SFSWAP: variants seen among roughly 807,000 people sequenced by gnomAD.
SFSWAP encodes the protein splicing factor, suppressor of white-apricot homolog.
A neutral mutation model predicts 100.7 loss-of-function variants in SFSWAP; 17 were observed. The observed-to-expected ratio is 0.17, with a 90% confidence interval of 0.12 to 0.25. The LOEUF (loss-of-function observed/expected upper bound fraction) is 0.25, where lower values mean the gene tolerates loss of function less well. Among genes scored for constraint, SFSWAP ranks in the 10% least tolerant of loss-of-function variants. The pLI, the probability that SFSWAP is intolerant of heterozygous loss-of-function variation, is 1.00. For missense variants in SFSWAP, 1,005 were observed against 1,262.6 expected, an observed-to-expected ratio of 0.80 and a Z score of 3.09; for synonymous variants, 504 against 510.1, an observed-to-expected ratio of 0.99 and a Z score of 0.16.
chr12:131,785,305 G>C, intron 14 of SFSWAP: 1 of 1,374,978 alleles, frequency 7.3e-7, no homozygotes, highest in Non-Finnish European at 9.9e-7. Context: ...AAACGATTCT[G>C]TCCGTTAAAG....
intron 12 of SFSWAP, among the ~76,000 whole-genome samples, chr12:131,765,369 C>T (rs1209328051): frequency 1.3e-5 from 2 of 152,224 alleles, no homozygotes; most frequent in African/African-American, 4.8e-5. Flanking sequence ...AATTTTCAGG[C>T]CAGGCGCGGT....
At chr12:131,790,828 G>A (rs1013685508) in intron 15 of SFSWAP, among the ~76,000 whole-genome samples, 7 of 152,152 alleles carry the variant, frequency 4.6e-5, no homozygotes, top group Non-Finnish European at 7.3e-5. Context: ...GTTAATTCCA[G>A]GTAGACTTTG....
rs566128024 is a variant in SFSWAP at position 131,753,445 on chromosome 12, G to C, written c.1322+82G>C. On this transcript the variant is annotated intron_variant, in intron 8 of 17. Transcript: ENST00000261674. The stretch of plus-strand genomic sequence containing the variant: ...GGGGCCGTCTGTGTCTCCATGGGGG[G>C]CTTGTAATCTAGATCATATACAGGG... 1.2e-5 allele frequency: 18 copies of C among 1,492,452 alleles called. 1 individual carries two copies. The African/African-American group carries it at 2.0e-4, about 16-fold the overall frequency. 92.5% of individuals were successfully genotyped at this position (1,492,452 alleles called of 1,614,324 possible). A position where few individuals can be genotyped will look rare whatever the true frequency, so the allele number is the denominator to read the frequency against.
intron 13 of SFSWAP, among the ~76,000 whole-genome samples, chr12:131,775,034 G>C (rs1280151244): frequency 1.3e-5 from 2 of 152,206 alleles, no homozygotes; most frequent in East Asian, 3.8e-4. Context: ...CTGTGCCTCA[G>C]ATGGCGTCTC....
At chr12:131,741,774 T>C (rs1454491477) in intron 7 of SFSWAP, among the ~76,000 whole-genome samples, 1 of 152,206 alleles carries the variant, frequency 6.6e-6, no homozygotes, top group Non-Finnish European at 1.5e-5. Flanking sequence ...TTTTTGTGCT[T>C]TGTTGAATTC....
chr12:131,737,521 C>T (rs1189376978), intron 7 of SFSWAP, among the ~76,000 whole-genome samples: 2 of 152,146 alleles, frequency 1.3e-5, no homozygotes, highest in Non-Finnish European at 2.9e-5. Flanking sequence ...ATAATACGTG[C>T]TTTTATCATT....
intron 13 of SFSWAP, among the ~76,000 whole-genome samples, chr12:131,772,676 G>T (rs965001830): frequency 6.6e-5 from 10 of 152,190 alleles, no homozygotes; most frequent in Non-Finnish European, 1.5e-5. Context: ...CTGCCATCTG[G>T]GAGTGGGTGT....
At chr12:131,732,573 G>A (rs950622848) in intron 7 of SFSWAP, among the ~76,000 whole-genome samples, 5 of 152,336 alleles carry the variant, frequency 3.3e-5, no homozygotes, top group South Asian at 2.1e-4. Flanking sequence ...GCAGGTCTGC[G>A]GATTCTGCTG....
At chr12:131,747,790 G>A (rs938571217) in intron 7 of SFSWAP, among the ~76,000 whole-genome samples, 12 of 152,188 alleles carry the variant, frequency 7.9e-5, no homozygotes, top group African/African-American at 1.9e-4. Context: ...GGACACATTC[G>A]GCTTGAAATA....
At chr12:131,788,877 C>T (rs1885068825) in intron 15 of SFSWAP, among the ~76,000 whole-genome samples, 1 of 152,230 alleles carries the variant, frequency 6.6e-6, no homozygotes. Context: ...TGGCTTAGTG[C>T]ACATAATTCA....
intron 7 of SFSWAP, among the ~76,000 whole-genome samples, chr12:131,746,001 G>A (rs1002109599): frequency 1.3e-5 from 2 of 152,150 alleles, no homozygotes; most frequent in Admixed American, 6.5e-5. Context: ...AAATTAAATG[G>A]AAATAAACAA....
At chr12:131,788,320 A>G (rs1318920644) in intron 15 of SFSWAP, among the ~76,000 whole-genome samples, 2 of 152,226 alleles carry the variant, frequency 1.3e-5, no homozygotes, top group African/African-American at 4.8e-5. Context: ...GGTTAGACTC[A>G]GTGCAGTGCT....
At chr12:131,748,950 A>G (rs1251651561) in intron 7 of SFSWAP, among the ~76,000 whole-genome samples, 1 of 152,276 alleles carries the variant, frequency 6.6e-6, no homozygotes, top group Non-Finnish European at 1.5e-5. Context: ...AATTCAATAT[A>G]AAATCCTAAG....
chr12:131,789,660 C>T (rs1453778117), intron 15 of SFSWAP, among the ~76,000 whole-genome samples: 2 of 152,032 alleles, frequency 1.3e-5, no homozygotes, highest in African/African-American at 4.8e-5. Flanking sequence ...ATCCACTCCC[C>T]TCCCTCCCTC....
At position 131,714,836 on chromosome 12, in the gene SFSWAP, C is replaced by T. The variant is rs1221194404; in HGVS notation, c.403C>T (p.Arg135Ter). 6.2e-7 allele frequency: 1 copy of T among 1,613,576 alleles called. No homozygotes were observed. Among genetic ancestry groups the T allele is most frequent in the Non-Finnish European group, 8.5e-7 (1 of 1,179,692 alleles). The part of the protein sequence containing the change: ...EEARQEEEYK[R>*]LSEALAEDGS... The stretch of plus-strand genomic sequence containing the variant: ...TTTTATTCAAGAGGAAGAATACAAG[C>T]GATTGAGTGAAGCACTAGCAGAGGA... Residue 135 changes from arginine to a stop codon, truncating the protein, a stop_gained, in exon 3 of 18, where the codon CGA (arginine) becomes TGA (stop). Coordinates refer to ENST00000261674, the MANE Select transcript of SFSWAP (RefSeq NM_004592.4). LOFTEE classifies it high-confidence loss of function. The surrounding 1 kb of genome is among the most constrained non-coding windows in gnomAD (Gnocchi z 6.0).
intron 4 of SFSWAP, among the ~76,000 whole-genome samples, chr12:131,723,600 G>A (rs1878686697): frequency 6.6e-6 from 1 of 152,156 alleles, no homozygotes; most frequent in Non-Finnish European, 1.5e-5. Context: ...GGAGAGGGCT[G>A]GCCCCACTGC....
At chr12:131,779,196 A>AGCGTGTGTGAAGAGGGCG (rs1884267778) in intron 14 of SFSWAP, among the ~76,000 whole-genome samples, 4 of 19,528 alleles carry the variant, frequency 2.0e-4, no homozygotes, top group Admixed American at 9.8e-4. Context: ...TGAAGAGGGC[A>AGCGTGTGTGAAGAGGGCG]GCGCGGATGA....
intron 13 of SFSWAP, among the ~76,000 whole-genome samples, chr12:131,773,485 C>T (rs930605179): frequency 6.6e-6 from 1 of 152,100 alleles, no homozygotes; most frequent in Non-Finnish European, 1.5e-5. Flanking sequence ...GACTTACATG[C>T]ACTTGCCACC....
At chr12:131,750,011 A>G (rs1881476654) in intron 7 of SFSWAP, among the ~76,000 whole-genome samples, 1 of 152,230 alleles carries the variant, frequency 6.6e-6, no homozygotes, top group African/African-American at 2.4e-5. Flanking sequence ...CAAAGGACAG[A>G]GACCTGGGGA....
Sources: allele counts gnomAD v4.1 joint callset (sites outside exome capture counted in the v4.1 genomes callset), GRCh38; gene constraint gnomAD v4.1.1; non-coding constraint Gnocchi (gnomAD v3.1); transcripts MANE v1.5; gene names NCBI Gene and HGNC (gene_info 2026-07-23, HGNC 2026-07-21).